HIBCH: variants seen among roughly 807,000 people sequenced by gnomAD.
HIBCH encodes 3-hydroxyisobutyryl-CoA hydrolase, mitochondrial.
Under a neutral mutation model 58.2 loss-of-function variants are expected in HIBCH, and 50 were observed. That is an observed-to-expected ratio of 0.86 (90% CI 0.68 to 1.09). The LOEUF (loss-of-function observed/expected upper bound fraction) is 1.09. Ranked by LOEUF, HIBCH falls within the 50% of genes least tolerant of loss-of-function variation. The pLI, the probability that HIBCH is intolerant of heterozygous loss-of-function variation, is 0.00. For synonymous variants in HIBCH, 151 were observed against 146.9 expected (o/e 1.03, Z -0.20); for missense variants, 450 against 449.7 (o/e 1.00, Z -0.01).
chr2:190,282,866 G>A (rs1424573025), intron 6 of HIBCH, among the ~76,000 whole-genome samples: 6 of 145,892 alleles, frequency 4.1e-5, no homozygotes, highest in African/African-American at 1.2e-4. Flanking sequence ...AAAAAGGTAG[G>A]ATAATCCTTG....
chr2:190,257,995 A>C (rs1686976967), intron 7 of HIBCH, among the ~76,000 whole-genome samples: 1 of 152,170 alleles, frequency 6.6e-6, no homozygotes, highest in Admixed American at 6.5e-5. Flanking sequence ...ATTTCTTGAA[A>C]GGCCCTGATA....
intron 6 of HIBCH, among the ~76,000 whole-genome samples, chr2:190,282,891 T>C (rs1687741580): frequency 6.8e-6 from 1 of 146,654 alleles, no homozygotes; most frequent in African/African-American, 2.5e-5. Flanking sequence ...TTCCAGACCA[T>C]CTAATACAGT....
chr2:190,193,602 G>A (rs922211020), intron 1 of HIBCH, among the ~76,000 whole-genome samples: 1 of 151,872 alleles, frequency 6.6e-6, no homozygotes, highest in Non-Finnish European at 1.5e-5. Flanking sequence ...TTTTTCTTGT[G>A]CCAATTTTGG....
At chr2:190,235,397 T>C (rs766334861) in intron 11 of HIBCH, among the ~76,000 whole-genome samples, 10 of 152,224 alleles carry the variant, frequency 6.6e-5, no homozygotes, top group Admixed American at 1.3e-4. Context: ...TTTACTCATA[T>C]AGCCTCCAGT....
intron 6 of HIBCH, among the ~76,000 whole-genome samples, chr2:190,272,649 G>T (rs937047990): frequency 2.7e-5 from 4 of 150,902 alleles, no homozygotes; most frequent in Admixed American, 1.3e-4. Context: ...AATGGCCAAG[G>T]GAAAAAAAAA....
At chr2:190,307,490 A>G (rs1414446696) in intron 2 of HIBCH, among the ~76,000 whole-genome samples, 6 of 152,128 alleles carry the variant, frequency 3.9e-5, no homozygotes, top group Non-Finnish European at 8.8e-5. Context: ...TGGGCAACAC[A>G]GAAACCTCAT....
At position 190,254,365 on chromosome 2, in the gene HIBCH, A is replaced by G. The variant is rs1421895330; in HGVS notation, c.518-2058T>C. Among the ~76,000 whole-genome samples, 1 of 152,174 alleles carries G rather than the reference A, an allele frequency of 6.6e-6. No homozygotes were observed. Among genetic ancestry groups the G allele is most frequent in the Non-Finnish European group, 1.5e-5 (1 of 68,034 alleles). ...GAAGGCAGCAGTCTATTAGCCACAG[A>G]GAGAGGGCTCAAGAGAACCATCTGC... On this transcript the variant is annotated intron_variant, in intron 7 of 13. Transcript: ENST00000359678. The surrounding 1 kb of genome is among the most constrained non-coding windows in gnomAD (Gnocchi z 5.0).
At chr2:190,316,109 T>C (rs1351064083) in intron 1 of HIBCH, among the ~76,000 whole-genome samples, 2 of 152,140 alleles carry the variant, frequency 1.3e-5, no homozygotes, top group African/African-American at 2.4e-5. Flanking sequence ...ACTGTAACTG[T>C]GGTATTGGTC....
intron 4 of HIBCH, among the ~76,000 whole-genome samples, chr2:190,294,022 G>GTATATATATATATA (rs1553505756): frequency 4.6e-4 from 38 of 83,002 alleles, no homozygotes; most frequent in South Asian, 2.1e-3. Flanking sequence ...TATTTTGTGT[G>GTATATATATATATA]TATATATATA....
chr2:190,224,411 A>G (rs1278475768), intron 11 of HIBCH, among the ~76,000 whole-genome samples: 2 of 152,190 alleles, frequency 1.3e-5, no homozygotes, highest in African/African-American at 4.8e-5. Flanking sequence ...AGAGACACAC[A>G]CAGGCTTAAA....
At chr2:190,219,772 T>A (rs1685664441) in intron 11 of HIBCH, among the ~76,000 whole-genome samples, 1 of 152,164 alleles carries the variant, frequency 6.6e-6, no homozygotes. Flanking sequence ...CCATGCTGGG[T>A]GTGCCTGCAT....
At chr2:190,227,507 T>C (rs1160206482) in intron 11 of HIBCH, among the ~76,000 whole-genome samples, 3 of 152,202 alleles carry the variant, frequency 2.0e-5, no homozygotes, top group Non-Finnish European at 4.4e-5. Context: ...GCCATAGGCA[T>C]GGGCAAGGAC....
chr2:190,303,595 G>GA (rs149814962), intron 2 of HIBCH, among the ~76,000 whole-genome samples: 2,739 of 152,188 alleles, frequency 0.018, 93 homozygotes, highest in African/African-American at 0.063. Context: ...AGTCCACACA[G>GA]AAAAAATAAA....
chr2:190,274,147 C>T (rs781415560), intron 6 of HIBCH, among the ~76,000 whole-genome samples: 114 of 152,244 alleles, frequency 7.5e-4, no homozygotes, highest in African/African-American at 2.6e-3. Context: ...ATGAAAAACC[C>T]GGCACTTTAT....
rs1454255482 is a variant in HIBCH, at chr2:190,281,808, C to A, written c.438+5778G>T. Among the ~76,000 whole-genome samples the A allele has an allele frequency of 1.3e-5, 2 of 152,146 alleles. No individual in the cohort carries two copies. Among genetic ancestry groups the A allele is most frequent in the African/African-American group, 4.8e-5 (2 of 41,428 alleles). On this transcript the variant is annotated intron_variant, in intron 6 of 13. Transcript: ENST00000359678. This position sits in a 1 kb window ranked among gnomAD's most constrained non-coding sequence, Gnocchi z 5.4. ...TGAATGCTTTGCGGATTAGATAGATCTTCTTCCAGGCATTCTAATTCATGG... is the reference window on the plus strand; with the variant it reads ...TGAATGCTTTGCGGATTAGATAGATATTCTTCCAGGCATTCTAATTCATGG...
intron 6 of HIBCH, among the ~76,000 whole-genome samples, chr2:190,278,002 G>A (rs941812758): frequency 6.6e-6 from 1 of 152,100 alleles, no homozygotes; most frequent in Non-Finnish European, 1.5e-5. Flanking sequence ...CCTACACTAA[G>A]CAATTATGTG....
intron 11 of HIBCH, chr2:190,213,990 G>C (rs1361116750): frequency 6.6e-6 from 1 of 152,190 alleles, no homozygotes; most frequent in African/African-American, 2.4e-5. Context: ...CTGTGGGTTT[G>C]GACGGGTGAA....
chr2:190,264,277 CTTTCTTTTTTT>C (rs990654504), intron 6 of HIBCH, among the ~76,000 whole-genome samples: 18 of 149,688 alleles, frequency 1.2e-4, no homozygotes, highest in Admixed American at 2.6e-4. Flanking sequence ...TTTCTTTTTT[CTTTCTTTTTTT>C]TTTTTTAAAC....
intron 2 of HIBCH, among the ~76,000 whole-genome samples, chr2:190,300,322 ATC>A (rs1385408876): frequency 1.3e-5 from 2 of 151,988 alleles, no homozygotes; most frequent in African/African-American, 4.8e-5. Flanking sequence ...CCTCACCAGC[ATC>A]TGTTATTTTT....
Sources: gnomAD v4.1 joint callset for allele counts (sites outside exome capture counted in the v4.1 genomes callset) on GRCh38, gnomAD v4.1.1 for gene constraint, Gnocchi (gnomAD v3.1) non-coding constraint, MANE v1.5 for transcripts, NCBI Gene and HGNC (gene_info 2026-07-23, HGNC 2026-07-21) for gene names.